Variants in ST7 observed in about 807,000 individuals in gnomAD.
ST7 encodes the protein suppression of tumorigenicity 7.
A neutral mutation model predicts 78.7 loss-of-function variants in ST7; 28 were observed. The observed-to-expected ratio is 0.36, with a 90% CI of 0.26 to 0.49. ST7 has a LOEUF of 0.49. ST7 is among the 20% of genes least tolerant of loss of function. The pLI, the probability that ST7 is intolerant of heterozygous loss-of-function variation, is 0.99. For synonymous variants in ST7, 247 were observed against 249.6 expected, an observed-to-expected ratio of 0.99 and a Z score of 0.10; for missense variants, 418 against 696.0, an observed-to-expected ratio of 0.60 and a Z score of 4.49.
chr7:117,119,835 A>G, intron 3 of ST7, 115 bp downstream of exon 3: 1 of 1,258,232 alleles, frequency 7.9e-7, no homozygotes, highest in Non-Finnish European at 1.1e-6. Flanking sequence ...TTCAGAGAAA[A>G]ATGCAGATCA....
intron 1 of ST7, among the ~76,000 whole-genome samples, chr7:117,057,815 A>C (rs1253273334): frequency 6.6e-6 from 1 of 152,182 alleles, no homozygotes; most frequent in Non-Finnish European, 1.5e-5. Context: ...CTGTCATATT[A>C]ATTTTCTGGG....
At chr7:116,999,227 G>A (rs141160187) in intron 1 of ST7, among the ~76,000 whole-genome samples, 1 of 152,154 alleles carries the variant, frequency 6.6e-6, no homozygotes, top group Non-Finnish European at 1.5e-5. Flanking sequence ...CACGAAATTG[G>A]AGAACTCTGG....
chr7:117,002,115 C>T (rs1794959266), intron 1 of ST7, among the ~76,000 whole-genome samples: 1 of 152,030 alleles, frequency 6.6e-6, no homozygotes, highest in African/African-American at 2.4e-5. Flanking sequence ...ATAGTCCCAG[C>T]TACTCGGGAG....
chr7:117,102,612 G>A (rs537757119), intron 2 of ST7, among the ~76,000 whole-genome samples: 6 of 152,184 alleles, frequency 3.9e-5, no homozygotes, highest in Non-Finnish European at 7.4e-5. Context: ...TCATTAGGAG[G>A]CAATATACTT....
At chr7:117,178,092 A>G (rs939603531) in intron 10 of ST7, among the ~76,000 whole-genome samples, 4 of 152,196 alleles carry the variant, frequency 2.6e-5, no homozygotes, top group Non-Finnish European at 4.4e-5. Context: ...TAGAAATGAT[A>G]TCATTTGTTG....
intron 9 of ST7, among the ~76,000 whole-genome samples, chr7:117,156,719 G>A (rs750233943): frequency 6.6e-6 from 1 of 152,138 alleles, no homozygotes; most frequent in Non-Finnish European, 1.5e-5. Context: ...AGGAAAGTGT[G>A]TTAACATGGG....
chr7:117,199,359 A>C (rs1004484227), intron 12 of ST7, among the ~76,000 whole-genome samples: 1 of 152,074 alleles, frequency 6.6e-6, no homozygotes, highest in Non-Finnish European at 1.5e-5. Flanking sequence ...CTTGGTGCCT[A>C]TTCTCATTAT....
Position 117,097,893 on chromosome 7 carries a change from TATATATA to T in ST7, c.152-1868_152-1862del, listed in dbSNP as rs1405269502. Among the ~76,000 whole-genome samples, 8 of 23,434 alleles carry T rather than the reference TATATATA, an allele frequency of 3.4e-4. 1 individual carries two copies. Among genetic ancestry groups the T allele is most frequent in the South Asian group, 2.7e-3 (2 of 730 alleles). 15.4% of individuals were successfully genotyped at this position (23,434 alleles called of 152,430 possible). On this transcript the variant is annotated intron_variant, in intron 1 of 15. Coordinates refer to ENST00000323984, the MANE Select transcript of ST7 (RefSeq NM_001369598.1). ...TATGACATATCACTATATATATATA[TATATATA>T]TATATATATTTTTTTTTTTTTTTTT... is the stretch of plus-strand genomic sequence containing the variant.
intron 15 of ST7, 25 bp from the exon 16 acceptor site, chr7:117,229,737 C>A: frequency 6.3e-7 from 1 of 1,588,198 alleles, no homozygotes; most frequent in Non-Finnish European, 8.6e-7. Flanking sequence ...CTGCTGACTT[C>A]TGTGTCTGTC....
intron 2 of ST7, among the ~76,000 whole-genome samples, chr7:117,114,882 G>A (rs1216951107): frequency 6.6e-6 from 1 of 152,164 alleles, no homozygotes; most frequent in African/African-American, 2.4e-5. Flanking sequence ...TTTGTTCCCT[G>A]CAGGTAAATA....
At chr7:117,114,623 A>G (rs141112593) in intron 2 of ST7, among the ~76,000 whole-genome samples, 2 of 152,096 alleles carry the variant, frequency 1.3e-5, no homozygotes, top group Non-Finnish European at 2.9e-5. Flanking sequence ...TCTATTTCCC[A>G]TGGGTTTAAT....
At chr7:117,133,414 G>T (rs952755823) in intron 6 of ST7, among the ~76,000 whole-genome samples, 1 of 151,900 alleles carries the variant, frequency 6.6e-6, no homozygotes, top group South Asian at 2.1e-4. Flanking sequence ...ACCCATTTTA[G>T]AGTTTAATTT....
chr7:117,081,830 A>G (rs1466465204), intron 1 of ST7, among the ~76,000 whole-genome samples: 1 of 152,198 alleles, frequency 6.6e-6, no homozygotes, highest in Non-Finnish European at 1.5e-5. Flanking sequence ...GGGTTCCACT[A>G]GAGAAACAGA....
chr7:117,021,811 A>G (rs975813912), intron 1 of ST7, among the ~76,000 whole-genome samples: 5 of 152,186 alleles, frequency 3.3e-5, no homozygotes, highest in Non-Finnish European at 5.9e-5. Context: ...TCAGCATGTG[A>G]CAGTATTATT....
chr7:117,189,270 C>T, intron 10 of ST7, 51 bp from the exon 11 acceptor site: 1 of 1,362,812 alleles, frequency 7.3e-7, no homozygotes, highest in South Asian at 1.3e-5. Flanking sequence ...AAAATGATTG[C>T]TCTTTGTTAC....
chr7:117,111,456 C>G (rs568353944), intron 2 of ST7, among the ~76,000 whole-genome samples: 5 of 152,088 alleles, frequency 3.3e-5, no homozygotes, highest in Admixed American at 2.0e-4. Flanking sequence ...AAAGAAAAAC[C>G]CTGATGTTTC....
intron 1 of ST7, among the ~76,000 whole-genome samples, chr7:116,995,588 C>T (rs1453474395): frequency 1.3e-5 from 2 of 152,192 alleles, no homozygotes; most frequent in African/African-American, 2.4e-5. Flanking sequence ...TTGGATGATG[C>T]TGCAGACTGT....
intron 1 of ST7, chr7:117,072,446 C>T (rs1212196528): frequency 2.0e-5 from 3 of 152,140 alleles, no homozygotes; most frequent in African/African-American, 7.2e-5. Flanking sequence ...TATTTTTATT[C>T]AGCTCACCTA....
At chr7:116,975,602 TTCA>T (rs1793663319) in intron 1 of ST7, among the ~76,000 whole-genome samples, 1 of 151,936 alleles carries the variant, frequency 6.6e-6, no homozygotes, top group Admixed American at 6.6e-5. Flanking sequence ...GAGACAGAGT[TTCA>T]TCATGTTGGC....
Sources: gnomAD v4.1 joint callset for allele counts (sites outside exome capture counted in the v4.1 genomes callset) on GRCh38, gnomAD v4.1.1 for gene constraint, MANE v1.5 for transcripts, NCBI Gene and HGNC (gene_info 2026-07-23, HGNC 2026-07-21) for gene names.